The following CD96 variants were observed in gnomAD, a reference collection of about 807,000 sequenced individuals.
The protein encoded by CD96 is T-cell surface protein tactile.
CD96 carries 70 observed loss-of-function variants against 71.3 expected under a neutral mutation model. The ratio of observed to expected loss-of-function variants is 0.98; its 90% confidence interval spans 0.81 to 1.20. The LOEUF is 1.20. Among genes scored for constraint, CD96 ranks in the 50% most tolerant of loss-of-function variants. CD96 has a pLI of 0.00. For synonymous variants in CD96, 248 were observed against 233.0 expected (o/e 1.06, Z -0.59); for missense variants, 742 against 677.5 (o/e 1.10, Z -1.06).
At chr3:111,657,202 G>A (rs1239074623), downstream of CD96, among the ~76,000 whole-genome samples, 4 of 151,958 alleles carry the variant, frequency 2.6e-5, no homozygotes, top group African/African-American at 4.8e-5. Flanking sequence ...GGCAGATCAC[G>A]AAGTCAGGAG....
At chr3:111,554,016 A>C (rs975591516) in intron 2 of CD96, among the ~76,000 whole-genome samples, 1 of 151,958 alleles carries the variant, frequency 6.6e-6, no homozygotes, top group African/African-American at 2.4e-5. Context: ...TCCTGATTTT[A>C]AGTTTTGGTC....
At chr3:111,578,939 A>G (rs1394533599) in intron 3 of CD96, 88 bp from the exon 4 acceptor site, 3 of 775,850 alleles carry the variant, frequency 3.9e-6, no homozygotes, top group East Asian at 2.5e-5. Flanking sequence ...TACTTTACAA[A>G]AAGTAAATGA....
At chr3:111,626,298 C>T (rs1321040159) in intron 10 of CD96, among the ~76,000 whole-genome samples, 24 of 109,814 alleles carry the variant, frequency 2.2e-4, no homozygotes, top group African/African-American at 8.2e-4. Context: ...CAGAGTAAGA[C>T]TCCGTCTCAA....
At chr3:111,568,987 T>G (rs1266752580) in intron 3 of CD96, among the ~76,000 whole-genome samples, 10 of 152,190 alleles carry the variant, frequency 6.6e-5, no homozygotes, top group African/African-American at 2.4e-4. Flanking sequence ...ATTTTTATAT[T>G]TTTGTCAAAA....
Position 111,638,069 on chromosome 3 carries a change from A to G in CD96, c.1388-10A>G. On this transcript the variant is annotated splice_polypyrimidine_tract_variant and intron_variant, in intron 11 of 13. Transcript: ENST00000352690. The stretch of plus-strand genomic sequence containing the variant: ...GATGTCTTGTCCAGATATCCCCTTT[A>G]TATCCCTAGACAATGTCTTTACCAG... The G allele has an allele frequency of 6.6e-7, 1 of 1,514,470 alleles. No individual in the cohort carries two copies. The highest frequency in any genetic ancestry group is 9.2e-7 in the Non-Finnish European group (1 of 1,089,296). 93.8% of individuals were successfully genotyped at this position (1,514,470 alleles called of 1,614,324 possible).
At chr3:111,548,591 G>T (rs1347115682) in intron 2 of CD96, among the ~76,000 whole-genome samples, 1 of 152,026 alleles carries the variant, frequency 6.6e-6, no homozygotes, top group Non-Finnish European at 1.5e-5. Context: ...TAAGATTTTG[G>T]TGCATTTTAA....
In CD96 at chr3:111,645,994, C is replaced by T. The variant is rs140513986; in HGVS notation, c.1478-1549C>T. Among the ~76,000 whole-genome samples, 165 of 152,066 alleles carry T rather than the reference C, an allele frequency of 1.1e-3. 1 individual carries two copies. The highest frequency in any genetic ancestry group is 3.5e-3 in the African/African-American group (145 of 41,490). On this transcript the variant is annotated intron_variant, in intron 12 of 13. Transcript: ENST00000352690. ...TTGACCTGTATTTTTTGAGATTTTG[C>T]TATATGAAAAGCAGTGTAATAAAAA...
At chr3:111,578,898 C>G in intron 3 of CD96, 129 bp from the exon 4 acceptor site, 1 of 709,410 alleles carries the variant, frequency 1.4e-6, no homozygotes. Flanking sequence ...TACTAAATGT[C>G]TTCTAATTTC....
intron 2 of CD96, among the ~76,000 whole-genome samples, chr3:111,562,422 T>A (rs2107532014): frequency 6.6e-6 from 1 of 152,304 alleles, no homozygotes; most frequent in South Asian, 2.1e-4. Context: ...TATATATATA[T>A]GTTGCAACTC....
chr3:111,589,579 A>G (rs1389080903), intron 5 of CD96, among the ~76,000 whole-genome samples: 2 of 152,128 alleles, frequency 1.3e-5, no homozygotes, highest in Non-Finnish European at 2.9e-5. Context: ...TATTCTTACA[A>G]TCCCTGCTGT....
chr3:111,544,753 A>C (rs1043629775), intron 1 of CD96, among the ~76,000 whole-genome samples: 6 of 152,200 alleles, frequency 3.9e-5, no homozygotes, highest in Non-Finnish European at 8.8e-5. Context: ...AATAGGCTTA[A>C]TTTTATTCAC....
At chr3:111,576,118 T>C (rs183661799) in intron 3 of CD96, among the ~76,000 whole-genome samples, 1 of 152,352 alleles carries the variant, frequency 6.6e-6, no homozygotes, top group African/African-American at 2.4e-5. Flanking sequence ...TGTTACCTCA[T>C]TAAATCTATA....
intron 1 of CD96, among the ~76,000 whole-genome samples, chr3:111,543,436 A>G (rs1046441076): frequency 1.6e-4 from 24 of 152,186 alleles, no homozygotes; most frequent in African/African-American, 5.5e-4. Flanking sequence ...AGGTGATACT[A>G]AGTGGAACCT....
At chr3:111,547,416 G>GT (rs35961477) in intron 2 of CD96, among the ~76,000 whole-genome samples, 3 of 151,876 alleles carry the variant, frequency 2.0e-5, no homozygotes, top group Non-Finnish European at 2.9e-5. Flanking sequence ...TTCATACATA[G>GT]TTTTTTTTGT....
chr3:111,579,097 A>T lies in CD96; in HGVS notation c.614A>T (p.Asp205Val), dbSNP rs200541974. 1.2e-6 allele frequency: 2 copies of T among 1,606,718 alleles called. No homozygotes were observed. Among genetic ancestry groups the T allele is most frequent in the Non-Finnish European group, 1.7e-6 (2 of 1,173,316 alleles). ...ATCAGCAATTCCACATTACTTAAAGATAGAGTCAAGCTTGGTACAGACTAC... is the reference window on the plus strand; with the variant it reads ...ATCAGCAATTCCACATTACTTAAAGTTAGAGTCAAGCTTGGTACAGACTAC... ...HLISNSTLLK[D>V]RVKLGTDYRL... The change falls in exon 4 of 14, where the codon GAT becomes GTT. Residue 205 changes from aspartate (D) to valine (V), a missense_variant. Physicochemically the swap from Asp to Val is radical, Grantham distance 152. Transcript: ENST00000352690.
intron 2 of CD96, among the ~76,000 whole-genome samples, chr3:111,561,930 G>A (rs11918938): frequency 0.014 from 2,172 of 150,948 alleles, 50 homozygotes; most frequent in African/African-American, 0.049. Flanking sequence ...TTTTTAAGCC[G>A]GTCTGAAAAG....
chr3:111,555,998 A>G (rs1935001241), intron 2 of CD96, among the ~76,000 whole-genome samples: 1 of 152,298 alleles, frequency 6.6e-6, no homozygotes, highest in Non-Finnish European at 1.5e-5. Context: ...ATATTGAACA[A>G]TGTTCAAATA....
chr3:111,620,232 G>A (rs542747601), intron 8 of CD96, among the ~76,000 whole-genome samples: 57 of 152,158 alleles, frequency 3.7e-4, no homozygotes, highest in Non-Finnish European at 6.9e-4. Flanking sequence ...TTATGTGATC[G>A]TCTGGTTGAT....
rs1935375861 is a variant in CD96, at chr3:111,561,168, C to T, written c.419-6355C>T. ...CTTTGGTTTGAATGTCCTCCCGTAG[C>T]TCAGAGTAATTTGATCGTCTGAAGC... is the stretch of plus-strand genomic sequence containing the variant. On this transcript the variant is annotated intron_variant, in intron 2 of 13. Transcript: ENST00000352690. Among the ~76,000 whole-genome samples the T allele has an allele frequency of 2.3e-5, 3 of 132,864 alleles. No homozygotes were observed. The South Asian group carries it at 7.8e-4, about 34-fold the overall frequency. The allele number at this position is 132,864 out of a possible 152,430, so 87.2% of individuals were successfully genotyped here.
Sources: gnomAD v4.1 joint callset for allele counts (sites outside exome capture counted in the v4.1 genomes callset) on GRCh38, gnomAD v4.1.1 for gene constraint, MANE v1.5 for transcripts, NCBI Gene and HGNC (gene_info 2026-07-23, HGNC 2026-07-21) for gene names.